QDPR: variants seen among roughly 807,000 people sequenced by gnomAD.
The protein encoded by QDPR is quinoid dihydropteridine reductase, also known as dihydropteridine reductase.
A neutral mutation model predicts 31.7 loss-of-function variants in QDPR; 23 were observed. The ratio of observed to expected loss-of-function variants is 0.73; its 90% CI spans 0.52 to 1.03. QDPR has a LOEUF of 1.03. Ranked by LOEUF, QDPR falls within the 50% of genes least tolerant of loss-of-function variation. QDPR has a pLI of 0.00. For synonymous variants in QDPR, 124 were observed against 124.7 expected (o/e 0.99, Z 0.03); for missense variants, 324 against 323.8 (o/e 1.00, Z 0.00).
chr4:17,504,351 C>T (rs1325159856), intron 3 of QDPR, 28 bp downstream of exon 3: 1 of 1,592,216 alleles, frequency 6.3e-7, no homozygotes, highest in East Asian at 2.2e-5. Flanking sequence ...CAGAGCAGAA[C>T]AAATGAGTGA....
chr4:17,492,590 A>C, intron 4 of QDPR: 2 of 553,354 alleles, frequency 3.6e-6, no homozygotes, highest in South Asian at 2.0e-5. Flanking sequence ...CACAGGCTTC[A>C]CACAGGCCAC....
chr4:17,509,581 G>C (rs1477228898), intron 1 of QDPR, among the ~76,000 whole-genome samples: 1 of 152,162 alleles, frequency 6.6e-6, no homozygotes, highest in Non-Finnish European at 1.5e-5. Flanking sequence ...TTTAAAATTA[G>C]TCAGGTGTGG....
intron 2 of QDPR, among the ~76,000 whole-genome samples, chr4:17,506,328 G>A (rs1577194262): frequency 6.6e-6 from 1 of 152,086 alleles, no homozygotes; most frequent in South Asian, 2.1e-4. Flanking sequence ...ATGGGGTTTC[G>A]CCATGTTGCA....
chr4:17,503,232 T>A (rs564030315), intron 3 of QDPR, among the ~76,000 whole-genome samples: 112 of 152,326 alleles, frequency 7.4e-4, no homozygotes, highest in Admixed American at 1.4e-3. Flanking sequence ...GGGATTTTTT[T>A]AAAAATTCTA....
chr4:17,506,257 G>A (rs1718783209), intron 2 of QDPR, among the ~76,000 whole-genome samples: 1 of 152,134 alleles, frequency 6.6e-6, no homozygotes, highest in Admixed American at 6.5e-5. Context: ...AGCCTCCCGA[G>A]TAGCTGGGAC....
rs1560315318 is a variant in QDPR at position 17,506,385 on chromosome 4, C to T, written c.199-1910G>A. On this transcript the variant is annotated intron_variant, in intron 2 of 6. Transcript: ENST00000281243. ...GGCTCAAGTGATCCTCCTGCCTCAG[C>T]CTCCTGAAGTGCTGGGACTACTGGC... 2.0e-5 allele frequency among the ~76,000 whole-genome samples: 3 copies of T among 152,314 alleles called. No homozygotes were observed. In the South Asian group the frequency reaches 6.2e-4, roughly 32 times the overall value.
chr4:17,507,419 G>A (rs1718827275), intron 2 of QDPR, among the ~76,000 whole-genome samples: 1 of 152,106 alleles, frequency 6.6e-6, no homozygotes, highest in Admixed American at 6.5e-5. Flanking sequence ...GCTGCGCACA[G>A]TGGCTACTCA....
intron 5 of QDPR, among the ~76,000 whole-genome samples, chr4:17,491,239 A>C (rs1297119098): frequency 6.6e-6 from 1 of 152,256 alleles, no homozygotes; most frequent in Non-Finnish European, 1.5e-5. Flanking sequence ...GATATGCATG[A>C]ATCTCCCAAG....
intron 4 of QDPR, among the ~76,000 whole-genome samples, chr4:17,501,330 T>A (rs1450194887): frequency 1.3e-5 from 2 of 152,148 alleles, no homozygotes; most frequent in African/African-American, 4.8e-5. Context: ...CAAATGAACC[T>A]CTCTCATTTT....
At chr4:17,496,472 A>AAAAAG (rs1560310399) in intron 4 of QDPR, among the ~76,000 whole-genome samples, 1 of 129,864 alleles carries the variant, frequency 7.7e-6, no homozygotes, top group Non-Finnish European at 1.7e-5. Context: ...AAAAAAAAAA[A>AAAAAG]GAACAAACTG....
intron 4 of QDPR, among the ~76,000 whole-genome samples, chr4:17,498,691 T>C: frequency 6.6e-6 from 1 of 152,194 alleles, no homozygotes; most frequent in Non-Finnish European, 1.5e-5. Flanking sequence ...ACAGCACAGA[T>C]CCTTTAATGG....
Position 17,486,761 on chromosome 4 carries a change from C to A in QDPR, c.*370G>T. ...ACATGACATTCAAAAATAACTCAGC[C>A]TTTAAAATGTCCCCAATACCAACAA... On this transcript the variant is annotated 3_prime_UTR_variant, in exon 7 of 7. Coordinates refer to ENST00000281243, the MANE Select transcript of QDPR (RefSeq NM_000320.3). 4.0e-6 allele frequency: 1 copy of A among 249,458 alleles called. No homozygotes were observed. The highest frequency in any genetic ancestry group is 6.1e-5 in the South Asian group (1 of 16,342). The allele number at this position is 249,458 out of a possible 1,614,324, so 15.5% of individuals were successfully genotyped here.
chr4:17,508,432 C>A (rs756557814), intron 2 of QDPR, among the ~76,000 whole-genome samples: 3 of 152,098 alleles, frequency 2.0e-5, no homozygotes, highest in Admixed American at 2.0e-4. Flanking sequence ...GAGCAAGACT[C>A]TCTTAAAACA....
chr4:17,498,520 C>T (rs936326172), intron 4 of QDPR, among the ~76,000 whole-genome samples: 1 of 152,088 alleles, frequency 6.6e-6, no homozygotes, highest in Non-Finnish European at 1.5e-5. Context: ...AAGAAACAAG[C>T]AAATAGCAAC....
rs147257284 is a variant in QDPR at position 17,504,403 on chromosome 4, C to T, written c.271G>A (p.Ala91Thr). Residue 91 changes from alanine (A) to threonine (T), a missense_variant, in exon 3 of 7, where the codon GCC becomes ACC. Physicochemically the swap from Ala to Thr is moderately conservative, Grantham distance 58 (BLOSUM62 0). Coordinates refer to ENST00000281243, the MANE Select transcript of QDPR (RefSeq NM_000320.3). Reference protein sequence around the residue: ...DAILCVAGGWAGGNAKSKSLF... With the variant: ...DAILCVAGGWTGGNAKSKSLF... Reference sequence around the variant, plus strand: ...CACTTGGATTTGGCATTGCCCCCGGCCCATCCTCCAGCAACGCAAAGAATT... The same window carrying T: ...CACTTGGATTTGGCATTGCCCCCGGTCCATCCTCCAGCAACGCAAAGAATT... The T allele has an allele frequency of 1.2e-6, 2 of 1,614,044 alleles. No individual in the cohort carries two copies. The highest frequency in any genetic ancestry group is 1.1e-5 in the South Asian group (1 of 91,080).
intron 4 of QDPR, among the ~76,000 whole-genome samples, chr4:17,497,084 A>G (rs2085898063): frequency 6.6e-6 from 1 of 152,142 alleles, no homozygotes; most frequent in Non-Finnish European, 1.5e-5. Context: ...TGTGAATGTG[A>G]CATGGGCACA....
chr4:17,492,802 T>C (rs1718215934), intron 4 of QDPR, among the ~76,000 whole-genome samples: 2 of 152,244 alleles, frequency 1.3e-5, no homozygotes, highest in South Asian at 4.1e-4. Context: ...ACAGGTTGAG[T>C]ACATGCCAGG....
chr4:17,498,031 CA>C (rs1718428403), intron 4 of QDPR, among the ~76,000 whole-genome samples: 1 of 152,110 alleles, frequency 6.6e-6, no homozygotes, highest in African/African-American at 2.4e-5. Flanking sequence ...CCACTGTGCC[CA>C]ACTGTAGCTG....
intron 4 of QDPR, among the ~76,000 whole-genome samples, chr4:17,497,420 C>A (rs568352950): frequency 6.6e-6 from 1 of 152,020 alleles, no homozygotes; most frequent in Non-Finnish European, 1.5e-5. Flanking sequence ...CTCACCCCCA[C>A]CAAGAGCACT....
Sources: gnomAD v4.1 joint callset for allele counts (sites outside exome capture counted in the v4.1 genomes callset) on GRCh38, gnomAD v4.1.1 for gene constraint, MANE v1.5 for transcripts, NCBI Gene and HGNC (gene_info 2026-07-23, HGNC 2026-07-21) for gene names.